GALNTL6: variants seen among roughly 807,000 people sequenced by gnomAD.
GALNTL6 encodes the protein polypeptide N-acetylgalactosaminyltransferase like 6.
GALNTL6 carries 46 observed loss-of-function variants against 73.7 expected under a neutral mutation model. The ratio of observed to expected loss-of-function variants is 0.62; its 90% CI spans 0.49 to 0.80. The LOEUF (loss-of-function observed/expected upper bound fraction) is 0.80. Among genes scored for constraint, GALNTL6 ranks in the 30% least tolerant of loss-of-function variants. The probability of loss-of-function intolerance (pLI) is 0.00; values close to 1 mark genes in which losing one functional copy is unlikely to be tolerated. For missense variants in GALNTL6, 604 were observed against 755.0 expected, an observed-to-expected ratio of 0.80 and a Z score of 2.34; for synonymous variants, 259 against 263.7, an observed-to-expected ratio of 0.98 and a Z score of 0.17.
chr4:173,011,075 T>C (rs754390371), intron 11 of GALNTL6, among the ~76,000 whole-genome samples: 14 of 152,362 alleles, frequency 9.2e-5, no homozygotes, highest in Middle Eastern at 3.4e-3. Flanking sequence ...TGATAACTCA[T>C]TGTAGTTTTG....
At chr4:172,226,350 A>G (rs1331569118) in intron 2 of GALNTL6, among the ~76,000 whole-genome samples, 1 of 152,204 alleles carries the variant, frequency 6.6e-6, no homozygotes, top group Non-Finnish European at 1.5e-5. Context: ...TAGTTAAGCC[A>G]ATATTCCGGT....
At chr4:172,463,702 A>C (rs999044192) in intron 5 of GALNTL6, among the ~76,000 whole-genome samples, 1 of 152,228 alleles carries the variant, frequency 6.6e-6, no homozygotes, top group Non-Finnish European at 1.5e-5. Context: ...GGAGAATTCC[A>C]GGGGACTAAG....
At chr4:172,048,018 G>C (rs190038488) in intron 2 of GALNTL6, among the ~76,000 whole-genome samples, 3 of 151,930 alleles carry the variant, frequency 2.0e-5, no homozygotes, top group African/African-American at 7.3e-5. Flanking sequence ...TAATAACATC[G>C]CAAACTCTTT....
chr4:172,811,119 C>T (rs1741275640), intron 6 of GALNTL6, among the ~76,000 whole-genome samples: 1 of 152,188 alleles, frequency 6.6e-6, no homozygotes, highest in Non-Finnish European at 1.5e-5. Flanking sequence ...AGTGTCTTGA[C>T]ACATCATCCA....
chr4:171,986,930 T>A (rs1740113337), intron 2 of GALNTL6, among the ~76,000 whole-genome samples: 1 of 152,164 alleles, frequency 6.6e-6, no homozygotes, highest in Non-Finnish European at 1.5e-5. Context: ...TGTGATGGCT[T>A]GCAGAAACAG....
At chr4:172,334,563 T>G (rs908744002) in intron 4 of GALNTL6, among the ~76,000 whole-genome samples, 1 of 152,198 alleles carries the variant, frequency 6.6e-6, no homozygotes, top group African/African-American at 2.4e-5. Context: ...ACTGATTTTT[T>G]TACATTAATT....
chr4:171,838,849 A>T (rs1318273440), intron 2 of GALNTL6, among the ~76,000 whole-genome samples: 1 of 152,190 alleles, frequency 6.6e-6, no homozygotes, highest in Non-Finnish European at 1.5e-5. Flanking sequence ...ATGCTAGGTC[A>T]GGCGAGTAAA....
intron 2 of GALNTL6, among the ~76,000 whole-genome samples, chr4:172,193,107 C>A (rs943011702): frequency 2.6e-5 from 4 of 152,202 alleles, no homozygotes; most frequent in Non-Finnish European, 4.4e-5. Flanking sequence ...TCTGAAAAGT[C>A]CAGGCAGTCC....
At chr4:172,973,390 C>T (rs1170662006) in intron 10 of GALNTL6, among the ~76,000 whole-genome samples, 1 of 152,124 alleles carries the variant, frequency 6.6e-6, no homozygotes, top group African/African-American at 2.4e-5. Flanking sequence ...TCTTTAACTT[C>T]AGTCTATAAG....
At chr4:172,707,630 G>A (rs1734436784) in intron 5 of GALNTL6, among the ~76,000 whole-genome samples, 1 of 152,096 alleles carries the variant, frequency 6.6e-6, no homozygotes. Context: ...AAATCGTAAG[G>A]AAGACTTTAT....
intron 4 of GALNTL6, among the ~76,000 whole-genome samples, chr4:172,321,923 C>T (rs1740770409): frequency 6.6e-6 from 1 of 152,148 alleles, no homozygotes; most frequent in Non-Finnish European, 1.5e-5. Context: ...AACTGGTGAT[C>T]AGCAGCTTCC....
intron 5 of GALNTL6, among the ~76,000 whole-genome samples, chr4:172,425,685 G>A (rs1731203691): frequency 6.6e-6 from 1 of 151,942 alleles, no homozygotes; most frequent in South Asian, 2.1e-4. Context: ...AAATTGGTAT[G>A]GCAAATAAGT....
chr4:172,909,680 G>A lies in GALNTL6; in HGVS notation c.1042-21481G>A, dbSNP rs568792444. Reference sequence around the variant, plus strand: ...ACACTTTCAAATACAGTCAGTCACTGTAGTTAAAAGTGGTACAACCTCTAG... The same window carrying A: ...ACACTTTCAAATACAGTCAGTCACTATAGTTAAAAGTGGTACAACCTCTAG... On this transcript the variant is annotated intron_variant, in intron 8 of 12. Transcript: ENST00000506823. 9.9e-5 allele frequency among the ~76,000 whole-genome samples: 15 copies of A among 152,202 alleles called. 1 individual carries two copies. The South Asian group carries it at 3.1e-3, about 32-fold the overall frequency.
rs187216493 is a variant in GALNTL6 at position 172,088,080 on chromosome 4, A to G, written c.139-141576A>G. On this transcript the variant is annotated intron_variant, in intron 2 of 12. Transcript: ENST00000506823. Reference sequence around the variant, plus strand: ...TGTACAGAAAGAGATATTGAATCCTACCTAATTGCCCATCATTCTTCCAAA... The same window carrying G: ...TGTACAGAAAGAGATATTGAATCCTGCCTAATTGCCCATCATTCTTCCAAA... 1.6e-3 allele frequency among the ~76,000 whole-genome samples: 241 copies of G among 152,280 alleles called. 1 individual carries two copies. Among genetic ancestry groups the G allele is most frequent in the African/African-American group, 5.6e-3 (232 of 41,576 alleles).
chr4:172,080,538 T>A (rs1300020245), intron 2 of GALNTL6, among the ~76,000 whole-genome samples: 2 of 152,164 alleles, frequency 1.3e-5, no homozygotes, highest in Non-Finnish European at 2.9e-5. Flanking sequence ...ATAAATTATA[T>A]GACTATTTTA....
chr4:172,738,209 G>A (rs1207608151), intron 5 of GALNTL6, among the ~76,000 whole-genome samples: 1 of 152,218 alleles, frequency 6.6e-6, no homozygotes, highest in Non-Finnish European at 1.5e-5. Flanking sequence ...GAAACCATGA[G>A]TTGAAGGGAG....
At chr4:172,635,080 A>T (rs1739606312) in intron 5 of GALNTL6, among the ~76,000 whole-genome samples, 1 of 152,190 alleles carries the variant, frequency 6.6e-6, no homozygotes, top group African/African-American at 2.4e-5. Context: ...ATTTTGCATG[A>T]CTTGTAAAAT....
At chr4:172,779,467 A>C (rs1739261803) in intron 5 of GALNTL6, among the ~76,000 whole-genome samples, 1 of 152,168 alleles carries the variant, frequency 6.6e-6, no homozygotes, top group East Asian at 1.9e-4. Flanking sequence ...TCATGTTTAG[A>C]GCTTCTAGCC....
In GALNTL6 at chr4:172,284,173, G is replaced by GA. The variant is rs1048905602; in HGVS notation, c.248-27433dup. 4.6e-5 allele frequency among the ~76,000 whole-genome samples: 7 copies of GA among 151,730 alleles called. No individual in the cohort carries two copies. The East Asian group carries it at 9.6e-4, about 21-fold the overall frequency. ...TCTAACTATTATTGAGGTAAAAATA[G>GA]AAAAAAAATAGGCTAAGAATTCATA... On this transcript the variant is annotated intron_variant, in intron 3 of 12. Coordinates refer to ENST00000506823, the MANE Select transcript of GALNTL6 (RefSeq NM_001034845.3).
Sources: allele counts gnomAD v4.1 joint callset (sites outside exome capture counted in the v4.1 genomes callset), GRCh38; gene constraint gnomAD v4.1.1; transcripts MANE v1.5; gene names NCBI Gene and HGNC (gene_info 2026-07-23, HGNC 2026-07-21).